FTO: variants seen among roughly 807,000 people sequenced by gnomAD.
FTO encodes the protein FTO alpha-ketoglutarate dependent dioxygenase.
Under a neutral mutation model 63.9 loss-of-function variants are expected in FTO, and 47 were observed. The observed-to-expected ratio is 0.74, with a 90% confidence interval of 0.58 to 0.94. The LOEUF (loss-of-function observed/expected upper bound fraction) is 0.94. Among genes scored for constraint, FTO ranks in the 40% least tolerant of loss-of-function variants. FTO has a pLI of 0.00. For missense variants in FTO, 562 were observed against 618.1 expected (o/e 0.91, Z 0.96); for synonymous variants, 207 against 224.4 (o/e 0.92, Z 0.69).
At chr16:53,833,702 C>T (rs1192096538) in intron 3 of FTO, among the ~76,000 whole-genome samples, 6 of 152,086 alleles carry the variant, frequency 3.9e-5, no homozygotes, top group Admixed American at 6.5e-5. Flanking sequence ...GCTGGCAATG[C>T]GCAAGGGCTC....
chr16:53,971,963 C>T (rs2083331371), intron 8 of FTO, among the ~76,000 whole-genome samples: 1 of 152,044 alleles, frequency 6.6e-6, no homozygotes, highest in Admixed American at 6.6e-5. Context: ...TTATTCATTG[C>T]CTCCCCCCTT....
intron 1 of FTO, among the ~76,000 whole-genome samples, chr16:53,754,495 G>A (rs984117025): frequency 4.6e-5 from 7 of 152,160 alleles, no homozygotes; most frequent in Middle Eastern, 3.2e-3. Flanking sequence ...AAAATTGGCC[G>A]GGCACGGTGG....
intron 7 of FTO, among the ~76,000 whole-genome samples, chr16:53,907,346 T>C (rs149682222): frequency 5.3e-5 from 8 of 152,318 alleles, no homozygotes; most frequent in Middle Eastern, 3.4e-3. Flanking sequence ...ATATCTCATG[T>C]AATTTATTGA....
At chr16:53,943,507 T>C (rs1020600903) in intron 8 of FTO, among the ~76,000 whole-genome samples, 14 of 152,220 alleles carry the variant, frequency 9.2e-5, no homozygotes, top group Admixed American at 3.9e-4. Context: ...CATACATTTA[T>C]TAAGTGTCTA....
At chr16:54,097,789 A>G (rs1173014490) in intron 8 of FTO, among the ~76,000 whole-genome samples, 2 of 152,202 alleles carry the variant, frequency 1.3e-5, no homozygotes, top group Non-Finnish European at 2.9e-5. Flanking sequence ...ACAGAGAAAA[A>G]TAGGACAGTG....
rs1160714349 is a variant in FTO, at chr16:53,877,642, ACT to A, written c.976-2199_976-2198del. The stretch of plus-strand genomic sequence containing the variant: ...AATTAATTGTAGTGATATTTGTATA[ACT>A]CTGTGACTATACGAAACAACATTGC... On this transcript the variant is annotated intron_variant, in intron 5 of 8. Coordinates refer to ENST00000471389, the MANE Select transcript of FTO (RefSeq NM_001080432.3). 1.1e-4 allele frequency among the ~76,000 whole-genome samples: 17 copies of A among 152,114 alleles called. No individual in the cohort carries two copies. In the East Asian group the frequency reaches 2.1e-3, roughly 19 times the overall value.
At chr16:53,775,161 T>C (rs898706466) in intron 1 of FTO, among the ~76,000 whole-genome samples, 6 of 152,122 alleles carry the variant, frequency 3.9e-5, no homozygotes, top group Non-Finnish European at 8.8e-5. Flanking sequence ...TGCCACCATA[T>C]CTACCTCTTC....
chr16:54,048,129 A>T, intron 8 of FTO, among the ~76,000 whole-genome samples: 2 of 142,354 alleles, frequency 1.4e-5, no homozygotes, highest in Non-Finnish European at 1.5e-5. Context: ...AAAAAATTAA[A>T]AAAAAAAAAA....
intron 1 of FTO, among the ~76,000 whole-genome samples, chr16:53,772,717 T>G (rs1028270499): frequency 1.9e-4 from 29 of 152,120 alleles, no homozygotes; most frequent in Admixed American, 1.6e-3. Flanking sequence ...AGTGTGTCTA[T>G]TAGATGCTAC....
chr16:54,096,592 G>T (rs1352523666), intron 8 of FTO, among the ~76,000 whole-genome samples: 1 of 152,226 alleles, frequency 6.6e-6, no homozygotes, highest in Non-Finnish European at 1.5e-5. Flanking sequence ...TCGCTCAGAG[G>T]ATTAGAACTT....
At chr16:53,825,180 G>A (rs1392806108) in intron 2 of FTO, among the ~76,000 whole-genome samples, 1 of 152,118 alleles carries the variant, frequency 6.6e-6, no homozygotes, top group Non-Finnish European at 1.5e-5. Flanking sequence ...TTGTGTTCAT[G>A]GAACTTAATG....
chr16:53,952,398 A>G (rs1304735523), intron 8 of FTO, among the ~76,000 whole-genome samples: 1 of 152,178 alleles, frequency 6.6e-6, no homozygotes, highest in African/African-American at 2.4e-5. Context: ...ATGTTTTCTG[A>G]AGGGCTCTAA....
chr16:53,947,081 T>C (rs547694563), intron 8 of FTO, among the ~76,000 whole-genome samples: 5 of 152,320 alleles, frequency 3.3e-5, no homozygotes, highest in African/African-American at 1.2e-4. Context: ...GAACTAGTTA[T>C]GAAAATTCCA....
rs574809394 is a variant in FTO, at chr16:53,900,223, G to A, written c.1239+11272G>A. Among the ~76,000 whole-genome samples the A allele has an allele frequency of 2.6e-3, 393 of 152,250 alleles. 3 individuals carry two copies. Among genetic ancestry groups the A allele is most frequent in the African/African-American group, 9.3e-3 (385 of 41,542 alleles). ...TTTAATTTTTTTTTCTTTAATGTGA[G>A]AAAGAGTCTGGCTTTATTAGTTGAG... On this transcript the variant is annotated intron_variant, in intron 7 of 8. Transcript: ENST00000471389.
chr16:53,862,265 CA>C (rs1163205505), intron 4 of FTO, among the ~76,000 whole-genome samples: 1 of 151,846 alleles, frequency 6.6e-6, no homozygotes, highest in Non-Finnish European at 1.5e-5. Context: ...AACAAACAAA[CA>C]AAAAAACCAC....
intron 8 of FTO, among the ~76,000 whole-genome samples, chr16:53,985,948 A>T (rs2143854488): frequency 6.6e-6 from 1 of 152,348 alleles, no homozygotes; most frequent in South Asian, 2.1e-4. Context: ...GTTTTGAAAC[A>T]TTCTTCAACA....
In FTO at chr16:53,745,076, G is replaced by A. The variant is rs150761570; in HGVS notation, c.45+40847G>A. Among the ~76,000 whole-genome samples the A allele has an allele frequency of 9.7e-3, 1,482 of 152,256 alleles. 22 individuals are homozygous for A. The highest frequency in any genetic ancestry group is 0.04 in the East Asian group (208 of 5,178). The stretch of plus-strand genomic sequence containing the variant: ...CTGTAGCTTGGAGGTGATTTAAAAA[G>A]ATATTTTTAAAGGAAAGCAAATATT... On this transcript the variant is annotated intron_variant, in intron 1 of 8. Coordinates refer to ENST00000471389, the MANE Select transcript of FTO (RefSeq NM_001080432.3).
At chr16:53,794,820 A>G (rs1307063889) in intron 1 of FTO, among the ~76,000 whole-genome samples, 3 of 152,184 alleles carry the variant, frequency 2.0e-5, no homozygotes, top group Non-Finnish European at 4.4e-5. Flanking sequence ...AGGTGAGCAC[A>G]GGTGGAGAGA....
At chr16:53,857,127 G>A (rs983376402) in intron 4 of FTO, among the ~76,000 whole-genome samples, 1 of 151,928 alleles carries the variant, frequency 6.6e-6, no homozygotes, top group Non-Finnish European at 1.5e-5. Flanking sequence ...ATGCAGGTTT[G>A]TTACATGGGT....
Sources: gnomAD v4.1 joint callset for allele counts (sites outside exome capture counted in the v4.1 genomes callset) on GRCh38, gnomAD v4.1.1 for gene constraint, MANE v1.5 for transcripts, NCBI Gene and HGNC (gene_info 2026-07-23, HGNC 2026-07-21) for gene names.